The following ZNF609 variants were observed in gnomAD, a reference collection of about 807,000 sequenced individuals.
ZNF609 encodes the protein zinc finger protein 609.
In ZNF609, 11 loss-of-function variants were observed where a neutral mutation model predicts 109.5. The observed-to-expected ratio is 0.10, with a 90% CI of 0.06 to 0.17. The LOEUF is 0.17. ZNF609 is among the 10% of genes least tolerant of loss of function. ZNF609 has a pLI of 1.00. For missense variants in ZNF609, 1,559 were observed against 1,772.4 expected (o/e 0.88, Z 2.16); for synonymous variants, 646 against 662.0 (o/e 0.98, Z 0.37).
chr15:64,541,913 A>C (rs933745705), intron 2 of ZNF609, among the ~76,000 whole-genome samples: 1 of 150,892 alleles, frequency 6.6e-6, no homozygotes, highest in Non-Finnish European at 1.5e-5. Context: ...CTATTTACTT[A>C]ACTGAAACTT....
chr15:64,598,545 A>T (rs1481833096), intron 2 of ZNF609, among the ~76,000 whole-genome samples: 3 of 151,756 alleles, frequency 2.0e-5, no homozygotes, highest in Non-Finnish European at 4.4e-5. Context: ...TTTAACATTA[A>T]TGGGCCAATA....
At chr15:64,532,305 T>C (rs980936382) in intron 2 of ZNF609, among the ~76,000 whole-genome samples, 1 of 152,220 alleles carries the variant, frequency 6.6e-6, no homozygotes, top group Non-Finnish European at 1.5e-5. Context: ...TAATTTACTA[T>C]GTGTATACTT....
At chr15:64,571,039 A>G (rs767464911) in intron 2 of ZNF609, among the ~76,000 whole-genome samples, 21 of 152,178 alleles carry the variant, frequency 1.4e-4, no homozygotes, top group Non-Finnish European at 2.9e-4. Context: ...ATACATAAAT[A>G]AAGCATATGA....
intron 2 of ZNF609, among the ~76,000 whole-genome samples, chr15:64,587,857 C>G (rs950497108): frequency 3.3e-5 from 5 of 152,032 alleles, no homozygotes; most frequent in African/African-American, 1.2e-4. Flanking sequence ...ATAGCAGAGT[C>G]TCTAAAGAAG....
Position 64,607,847 on chromosome 15 carries a change from CTTT to C in ZNF609, c.748-14979_748-14977del, listed in dbSNP as rs1895633070. Among the ~76,000 whole-genome samples, 3 of 12,012 alleles carry C rather than the reference CTTT, an allele frequency of 2.5e-4. 1 individual carries two copies. Among genetic ancestry groups the C allele is most frequent in the Non-Finnish European group, 1.8e-3 (3 of 1,698 alleles). The allele number at this position is 12,012 out of a possible 152,430, so 7.9% of individuals were successfully genotyped here. A position where few individuals can be genotyped will look rare whatever the true frequency, so the allele number is the denominator to read the frequency against. ...TCTTTCTTTCTTTCTTTCTTTCTTT[CTTT>C]CTTTCTTTCTTTCTTTCTTTCTTTC... On this transcript the variant is annotated intron_variant, in intron 2 of 9. Transcript: ENST00000326648.
At chr15:64,464,169 A>G (rs536004712) in intron 1 of ZNF609, among the ~76,000 whole-genome samples, 1 of 152,308 alleles carries the variant, frequency 6.6e-6, no homozygotes, top group South Asian at 2.1e-4. Flanking sequence ...TTATGTTGCA[A>G]TTAGCATATA....
At chr15:64,646,939 CAA>C (rs10628744) in intron 3 of ZNF609, among the ~76,000 whole-genome samples, 3 of 59,776 alleles carry the variant, frequency 5.0e-5, no homozygotes, top group East Asian at 5.6e-4. Flanking sequence ...GACTCTGTCT[CAA>C]AAAAAAAAAA....
intron 3 of ZNF609, among the ~76,000 whole-genome samples, chr15:64,640,515 T>C (rs895038416): frequency 1.3e-5 from 2 of 152,196 alleles, no homozygotes; most frequent in African/African-American, 2.4e-5. Flanking sequence ...GGCAGCATAC[T>C]AGCCTCTGGC....
At position 64,520,333 on chromosome 15, in the gene ZNF609, C is replaced by T. The variant is rs375849544; in HGVS notation, c.747+20167C>T. Among the ~76,000 whole-genome samples the T allele has an allele frequency of 4.6e-5, 7 of 152,200 alleles. No homozygotes were observed. In the South Asian group the frequency reaches 6.2e-4, roughly 14 times the overall value. ...CCAAGGTAAGACAACCAAAAATGTC[C>T]CCAGACACTGCCAAATATCCCCTGG... On this transcript the variant is annotated intron_variant, in intron 2 of 9. Transcript: ENST00000326648.
rs78815501 is a variant in ZNF609, at chr15:64,664,460, C to T, written c.974-5886C>T. Among the ~76,000 whole-genome samples, 1,355 of 152,238 alleles carry T rather than the reference C, an allele frequency of 8.9e-3. 23 individuals are homozygous for T. The highest frequency in any genetic ancestry group is 0.031 in the African/African-American group (1,288 of 41,528). ...ACTGCTGTTTTTTAGCAGTATTATC[C>T]TCAAACATGCTGAGCCTTTCCTTAT... On this transcript the variant is annotated intron_variant, in intron 3 of 9. Coordinates refer to ENST00000326648, the MANE Select transcript of ZNF609 (RefSeq NM_015042.2).
intron 2 of ZNF609, among the ~76,000 whole-genome samples, chr15:64,521,711 C>A (rs1893893445): frequency 6.6e-6 from 1 of 152,058 alleles, no homozygotes; most frequent in Non-Finnish European, 1.5e-5. Context: ...CCATCATTGC[C>A]AGTGTGGTTT....
chr15:64,562,797 T>A (rs1252978623), intron 2 of ZNF609, among the ~76,000 whole-genome samples: 9 of 151,666 alleles, frequency 5.9e-5, no homozygotes, highest in Admixed American at 1.3e-4. Flanking sequence ...TCAGTAAAAA[T>A]TTTAATATTA....
chr15:64,510,213 T>TC (rs1893703006), intron 2 of ZNF609, among the ~76,000 whole-genome samples: 1 of 150,714 alleles, frequency 6.6e-6, no homozygotes, highest in Non-Finnish European at 1.5e-5. Context: ...TTCTTTTTTT[T>TC]TTTTTTTAAC....
chr15:64,578,926 C>G (rs1895046967), intron 2 of ZNF609, among the ~76,000 whole-genome samples: 1 of 152,012 alleles, frequency 6.6e-6, no homozygotes, highest in Non-Finnish European at 1.5e-5. Flanking sequence ...TGCTTGAGCC[C>G]AAGAGGTTGA....
chr15:64,609,409 C>G (rs1895678681), intron 2 of ZNF609, among the ~76,000 whole-genome samples: 1 of 151,714 alleles, frequency 6.6e-6, no homozygotes, highest in African/African-American at 2.4e-5. Flanking sequence ...TCTTGATCTC[C>G]TGACCTCATG....
chr15:64,489,247 G>A (rs977551824), intron 1 of ZNF609, among the ~76,000 whole-genome samples: 7 of 150,598 alleles, frequency 4.6e-5, no homozygotes, highest in Non-Finnish European at 8.9e-5. Flanking sequence ...GTGCAGTGGC[G>A]CGATCTTGGC....
intron 1 of ZNF609, among the ~76,000 whole-genome samples, chr15:64,472,544 T>C (rs540825767): frequency 2.6e-4 from 39 of 152,258 alleles, no homozygotes; most frequent in African/African-American, 9.4e-4. Flanking sequence ...TGAGATGAAT[T>C]TTCATTCATA....
intron 2 of ZNF609, among the ~76,000 whole-genome samples, chr15:64,579,786 C>T (rs1307495505): frequency 3.3e-5 from 5 of 151,924 alleles, no homozygotes; most frequent in African/African-American, 4.8e-5. Context: ...ATACAAATGA[C>T]GTATACCCAT....
intron 1 of ZNF609, among the ~76,000 whole-genome samples, chr15:64,465,415 C>T (rs577391587): frequency 3.9e-5 from 6 of 151,994 alleles, no homozygotes; most frequent in Non-Finnish European, 8.8e-5. Flanking sequence ...GAGTTTCGCT[C>T]CTGTGGCCCA....
Sources: gnomAD v4.1 joint callset for allele counts (sites outside exome capture counted in the v4.1 genomes callset) on GRCh38, gnomAD v4.1.1 for gene constraint, MANE v1.5 for transcripts, NCBI Gene and HGNC (gene_info 2026-07-23, HGNC 2026-07-21) for gene names.